GPC6: variants seen among roughly 807,000 people sequenced by gnomAD.
The protein encoded by GPC6 is glypican 6, also known as glypican-6.
A neutral mutation model predicts 55.2 loss-of-function variants in GPC6; 14 were observed. The ratio of observed to expected loss-of-function variants is 0.25; its 90% CI spans 0.17 to 0.40. The LOEUF (loss-of-function observed/expected upper bound fraction) is 0.40, where lower values mean the gene tolerates loss of function less well. Ranked by LOEUF, GPC6 falls within the 10% of genes least tolerant of loss-of-function variation. The pLI, the probability that GPC6 is intolerant of heterozygous loss-of-function variation, is 1.00. For missense variants in GPC6, 641 were observed against 708.5 expected, an observed-to-expected ratio of 0.90 and a Z score of 1.08; for synonymous variants, 278 against 259.6, an observed-to-expected ratio of 1.07 and a Z score of -0.68.
At chr13:93,278,783 G>A (rs980152316) in intron 1 of GPC6, among the ~76,000 whole-genome samples, 2 of 152,144 alleles carry the variant, frequency 1.3e-5, no homozygotes, top group African/African-American at 4.8e-5. Context: ...TAGGGCTATA[G>A]GTAATAAAGT....
chr13:94,241,606 G>A (rs1891055940), intron 4 of GPC6, among the ~76,000 whole-genome samples: 1 of 152,112 alleles, frequency 6.6e-6, no homozygotes, highest in Non-Finnish European at 1.5e-5. Flanking sequence ...TCTGGAATTA[G>A]CCATCAAAGA....
intron 1 of GPC6, among the ~76,000 whole-genome samples, chr13:93,439,609 C>G (rs1320683684): frequency 6.6e-6 from 1 of 151,164 alleles, no homozygotes; most frequent in Non-Finnish European, 1.5e-5. Context: ...TTGCAGTGAG[C>G]CAAGATTGCA....
chr13:93,250,384 T>C (rs1876744377), intron 1 of GPC6, among the ~76,000 whole-genome samples: 4 of 152,132 alleles, frequency 2.6e-5, no homozygotes, highest in African/African-American at 7.2e-5. Flanking sequence ...CTGGGGGTGG[T>C]ATACTTTGTG....
Position 93,522,335 on chromosome 13 carries a change from T to A in GPC6, c.161-22928T>A, listed in dbSNP as rs772463619. ...CACCCCATTCCGATTCCTGGAATAA[T>A]CCAGTTTTGTGTTCATGTATAATTC... On this transcript the variant is annotated intron_variant, in intron 1 of 8. Coordinates refer to ENST00000377047, the MANE Select transcript of GPC6 (RefSeq NM_005708.5). Among the ~76,000 whole-genome samples, 34 of 152,128 alleles carry A rather than the reference T, an allele frequency of 2.2e-4. 1 individual carries two copies. In the Middle Eastern group the frequency reaches 0.01, roughly 46 times the overall value.
At chr13:93,490,626 G>C (rs1445708543) in intron 1 of GPC6, among the ~76,000 whole-genome samples, 5 of 127,030 alleles carry the variant, frequency 3.9e-5, no homozygotes, top group African/African-American at 5.9e-5. Context: ...CCACTAACTC[G>C]TCATCTAGCA....
intron 3 of GPC6, among the ~76,000 whole-genome samples, chr13:94,005,382 C>A (rs959079409): frequency 2.0e-4 from 31 of 152,226 alleles, no homozygotes; most frequent in African/African-American, 7.0e-4. Flanking sequence ...AAAATAGTAG[C>A]CTCTTTGAAA....
At chr13:93,256,209 A>G (rs1876948928) in intron 1 of GPC6, among the ~76,000 whole-genome samples, 1 of 151,514 alleles carries the variant, frequency 6.6e-6, no homozygotes, top group Non-Finnish European at 1.5e-5. Flanking sequence ...CATGAAACCT[A>G]ATTTGCTAAA....
At chr13:94,292,780 G>C (rs1875062469) in intron 5 of GPC6, among the ~76,000 whole-genome samples, 1 of 152,124 alleles carries the variant, frequency 6.6e-6, no homozygotes, top group Non-Finnish European at 1.5e-5. Context: ...GTGGGACTTA[G>C]AGACTAAAGA....
chr13:93,357,531 A>G (rs1293131158), intron 1 of GPC6, among the ~76,000 whole-genome samples: 1 of 152,224 alleles, frequency 6.6e-6, no homozygotes, highest in Non-Finnish European at 1.5e-5. Context: ...TGGGCAAAAT[A>G]AGTATTTTCT....
At chr13:93,998,591 GA>G (rs1881658913) in intron 3 of GPC6, among the ~76,000 whole-genome samples, 1 of 152,050 alleles carries the variant, frequency 6.6e-6, no homozygotes. Flanking sequence ...TTGAGAGCTA[GA>G]AATAAAACTT....
intron 4 of GPC6, among the ~76,000 whole-genome samples, chr13:94,164,475 A>G (rs2138918604): frequency 6.6e-6 from 1 of 152,342 alleles, no homozygotes; most frequent in South Asian, 2.1e-4. Flanking sequence ...CAGTCTAGAG[A>G]AAGCAAAATA....
chr13:93,748,075 C>G (rs116607014), intron 2 of GPC6, among the ~76,000 whole-genome samples: 1 of 152,146 alleles, frequency 6.6e-6, no homozygotes, highest in Admixed American at 6.5e-5. Context: ...GATTGACTGT[C>G]TTTTATAATG....
chr13:93,418,645 CATTTTATTAATAGCGCTATACCGTAGT>C (rs1566346396), intron 1 of GPC6, among the ~76,000 whole-genome samples: 5 of 150,346 alleles, frequency 3.3e-5, no homozygotes. Context: ...ACCGTAGTAT[CATTTTATTAATAGCGCTATACCGTAGT>C]ATTTTATTAA....
At chr13:93,939,680 G>C (rs2098233032) in intron 3 of GPC6, among the ~76,000 whole-genome samples, 1 of 152,110 alleles carries the variant, frequency 6.6e-6, no homozygotes, top group Middle Eastern at 3.4e-3. Flanking sequence ...GAGCTCCTCA[G>C]CTCAAAGAAT....
chr13:93,521,907 C>G (rs1288416325), intron 1 of GPC6, among the ~76,000 whole-genome samples: 2 of 152,044 alleles, frequency 1.3e-5, no homozygotes, highest in East Asian at 1.9e-4. Flanking sequence ...TATAGACTTT[C>G]TTTTTCCTTT....
At chr13:94,366,821 G>A (rs1256770407) in intron 6 of GPC6, among the ~76,000 whole-genome samples, 3 of 152,194 alleles carry the variant, frequency 2.0e-5, no homozygotes, top group Admixed American at 6.5e-5. Flanking sequence ...CCTTTGGTCA[G>A]CAGCGAATCA....
At chr13:93,295,109 C>CAAAAAAAAAAA (rs71202577) in intron 1 of GPC6, among the ~76,000 whole-genome samples, 3 of 61,824 alleles carry the variant, frequency 4.9e-5, no homozygotes, top group Admixed American at 1.8e-4. Context: ...TCTGTCTCTG[C>CAAAAAAAAAAA]AAAAAAAAAA....
chr13:93,315,956 G>A (rs1468813737), intron 1 of GPC6, among the ~76,000 whole-genome samples: 4 of 151,920 alleles, frequency 2.6e-5, no homozygotes, highest in Non-Finnish European at 4.4e-5. Flanking sequence ...AATTAATAAC[G>A]TTCATATATG....
chr13:94,040,918 T>C (rs1025493827), intron 4 of GPC6, among the ~76,000 whole-genome samples: 3 of 151,890 alleles, frequency 2.0e-5, no homozygotes, highest in African/African-American at 4.8e-5. Context: ...GTTTCAGGAT[T>C]CATTTGATTT....
Sources: gnomAD v4.1 joint callset for allele counts (sites outside exome capture counted in the v4.1 genomes callset) on GRCh38, gnomAD v4.1.1 for gene constraint, MANE v1.5 for transcripts, NCBI Gene and HGNC (gene_info 2026-07-23, HGNC 2026-07-21) for gene names.